CACNA1G: variants seen among roughly 807,000 people sequenced by gnomAD.
CACNA1G encodes calcium voltage-gated channel subunit alpha1 G.
A neutral mutation model predicts 219.4 loss-of-function variants in CACNA1G; 67 were observed. That is an observed-to-expected ratio of 0.31 (90% CI 0.25 to 0.37). The LOEUF (loss-of-function observed/expected upper bound fraction) is 0.37. Ranked by LOEUF, CACNA1G falls within the 10% of genes least tolerant of loss-of-function variation. The pLI, the probability that CACNA1G is intolerant of heterozygous loss-of-function variation, is 1.00. For synonymous variants in CACNA1G, 1,296 were observed against 1,345.3 expected (o/e 0.96, Z 0.80); for missense variants, 2,380 against 3,231.4 (o/e 0.74, Z 6.39).
chr17:50,567,853 A>G (rs1324541513), intron 1 of CACNA1G, among the ~76,000 whole-genome samples: 1 of 152,026 alleles, frequency 6.6e-6, no homozygotes, highest in Non-Finnish European at 1.5e-5. Context: ...CATAGAATCC[A>G]CTGTATGGAA....
chr17:50,625,343 T>C lies in CACNA1G; in HGVS notation c.6400-674T>C, dbSNP rs73342246. 9.8e-3 allele frequency among the ~76,000 whole-genome samples: 1,500 copies of C among 152,330 alleles called. 32 individuals carry two copies. The highest frequency in any genetic ancestry group is 0.034 in the African/African-American group (1,430 of 41,584). On this transcript the variant is annotated intron_variant, in intron 37 of 37. Coordinates refer to ENST00000359106, the MANE Select transcript of CACNA1G (RefSeq NM_018896.5). Reference sequence around the variant, plus strand: ...ACATGAGAATCTCAATCCCACATGCTTGGGGGAGCAGGCACAGTCCTTATT... The same window carrying C: ...ACATGAGAATCTCAATCCCACATGCCTGGGGGAGCAGGCACAGTCCTTATT...
At position 50,618,014 on chromosome 17, in the gene CACNA1G, C is replaced by A. The variant is rs377749912; in HGVS notation, c.5227-34C>A. On this transcript the variant is annotated intron_variant, in intron 30 of 37. Coordinates refer to ENST00000359106, the MANE Select transcript of CACNA1G (RefSeq NM_018896.5). The surrounding 1 kb of genome is among the most constrained non-coding windows in gnomAD (Gnocchi z 5.3). ...CAGAGAAGCTGACTGGGAGACCCAG[C>A]GGCATCGTTTCTATTTCTTCTCCTT... 6.2e-7 allele frequency: 1 copy of A among 1,612,212 alleles called. No homozygotes were observed. The highest frequency in any genetic ancestry group is 8.5e-7 in the Non-Finnish European group (1 of 1,178,414).
rs183746990 is a variant in CACNA1G, at chr17:50,564,695, C to G, written c.242+2994C>G. On this transcript the variant is annotated intron_variant, in intron 1 of 37. Coordinates refer to ENST00000359106, the MANE Select transcript of CACNA1G (RefSeq NM_018896.5). ...GCCCCAAGTCTGCCTATTTCTCTTA[C>G]CTAGGGAGAATTCTCCATTTCTGTC... Among the ~76,000 whole-genome samples, 660 of 152,216 alleles carry G rather than the reference C, an allele frequency of 4.3e-3. 2 individuals are homozygous for G. Among genetic ancestry groups the G allele is most frequent in the African/African-American group, 0.015 (626 of 41,524 alleles).
chr17:50,614,776 T>C (rs2050071372), intron 26 of CACNA1G, among the ~76,000 whole-genome samples: 1 of 152,168 alleles, frequency 6.6e-6, no homozygotes, highest in South Asian at 2.1e-4. Flanking sequence ...TTGCTCTCAC[T>C]GACATGAGGG....
At chr17:50,574,179 G>A (rs989021351) in intron 7 of CACNA1G, among the ~76,000 whole-genome samples, 4 of 152,202 alleles carry the variant, frequency 2.6e-5, no homozygotes, top group Non-Finnish European at 4.4e-5. Context: ...GAAAGTAAGC[G>A]GCTGGGGCTG....
intron 1 of CACNA1G, 66 bp downstream of exon 1, chr17:50,561,767 C>CG (rs909896046): frequency 1.6e-5 from 17 of 1,078,212 alleles, no homozygotes; most frequent in South Asian, 1.3e-4. Flanking sequence ...CGCCGGGGGT[C>CG]GGGGGGGAAG....
In CACNA1G at chr17:50,569,758, A is replaced by G; in HGVS notation, c.541A>G (p.Thr181Ala). The G allele has an allele frequency of 1.3e-6, 2 of 1,550,986 alleles. No homozygotes were observed. The highest frequency in any genetic ancestry group is 1.7e-6 in the Non-Finnish European group (2 of 1,146,902). The change falls in exon 4 of 38, where the codon ACA (threonine) becomes GCA (alanine). Residue 181 changes from threonine to alanine, a missense_variant. Physicochemically the swap from Thr to Ala is moderately conservative, Grantham distance 58. Around this residue, in one of 17 missense-constraint regions of CACNA1G, gnomAD observed 56 missense variants for 135.8 expected, o/e 0.41. Coordinates refer to ENST00000359106, the MANE Select transcript of CACNA1G (RefSeq NM_018896.5). ...GAACGTCAGCTTCTCAGCTGTCAGG[A>G]CAGTCCGTGTGCTGCGACCGCTCAG... ...LQNVSFSAVR[T>A]VRVLRPLRAI... is the part of the protein sequence containing the mutation.
intron 9 of CACNA1G, among the ~76,000 whole-genome samples, chr17:50,584,560 G>T (rs942799315): frequency 1.4e-5 from 2 of 146,060 alleles, no homozygotes; most frequent in Admixed American, 6.9e-5. Flanking sequence ...AGTAATGGAT[G>T]CAGGCATAAC....
intron 35 of CACNA1G, among the ~76,000 whole-genome samples, chr17:50,623,447 C>T (rs2052729257): frequency 6.6e-6 from 1 of 151,858 alleles, no homozygotes; most frequent in Admixed American, 6.6e-5. Context: ...CTCCCCTGAG[C>T]TGCTCTGGGT....
Position 50,575,893 on chromosome 17 carries a change from C to A in CACNA1G, c.1491C>A (p.His497Gln). 1 of 1,556,834 alleles carries A rather than the reference C, an allele frequency of 6.4e-7. No homozygotes were observed. The highest frequency in any genetic ancestry group is 8.7e-7 in the Non-Finnish European group (1 of 1,151,510). The part of the protein sequence containing the change: ...RRLSVHHLVH[H>Q]HHHHHHHYHL... ...TATCCGTCCACCACCTGGTGCACCACCACCACCACCATCACCACCACTACC... is the reference window on the plus strand; with the variant it reads ...TATCCGTCCACCACCTGGTGCACCAACACCACCACCATCACCACCACTACC... Residue 497 changes from histidine (H) to glutamine (Q), a missense_variant, in exon 8 of 38, where the codon CAC becomes CAA. Around this residue, in one of 17 missense-constraint regions of CACNA1G, gnomAD observed 434 missense variants for 417.3 expected, o/e 1.04. Coordinates refer to ENST00000359106, the MANE Select transcript of CACNA1G (RefSeq NM_018896.5).
intron 26 of CACNA1G, among the ~76,000 whole-genome samples, chr17:50,612,157 G>A (rs1016999076): frequency 3.9e-5 from 6 of 152,244 alleles, no homozygotes; most frequent in African/African-American, 1.4e-4. Flanking sequence ...TTCTCCTACA[G>A]CAGTGCAGAT....
At chr17:50,622,037 T>C (rs978804679) in intron 35 of CACNA1G, among the ~76,000 whole-genome samples, 2 of 152,066 alleles carry the variant, frequency 1.3e-5, no homozygotes, top group African/African-American at 4.8e-5. Context: ...CTGAAGGGTA[T>C]AGGAGCAGCG....
rs770607856 is a variant in CACNA1G at position 50,603,241 on chromosome 17, C to G, written c.4169+42C>G. 1.7e-5 allele frequency: 27 copies of G among 1,549,998 alleles called. No homozygotes were observed. Among genetic ancestry groups the G allele is most frequent in the Admixed American group, 3.5e-5 (2 of 57,068 alleles). ...CACTGGAACACCTCCAAGAGGTGGC[C>G]CCCTCCGCAGGGACATCTCCCACCG... On this transcript the variant is annotated intron_variant, in intron 21 of 37. Coordinates refer to ENST00000359106, the MANE Select transcript of CACNA1G (RefSeq NM_018896.5). The surrounding 1 kb of genome is among the most constrained non-coding windows in gnomAD (Gnocchi z 6.4).
chr17:50,596,990 T>G lies in CACNA1G; in HGVS notation c.3258+67T>G. 7.1e-7 allele frequency: 1 copy of G among 1,401,500 alleles called. No homozygotes were observed. The allele number at this position is 1,401,500 out of a possible 1,614,324, so 86.8% of individuals were successfully genotyped here. On this transcript the variant is annotated intron_variant, in intron 16 of 37. Transcript: ENST00000359106. The surrounding 1 kb of genome is among the most constrained non-coding windows in gnomAD (Gnocchi z 4.8). ...CAAGGAGGACAGGAGGAAGAGAGGA[T>G]GGAGGCAGGCGGGTCCAAGGGCACA...
chr17:50,615,520 C>T lies in CACNA1G; in HGVS notation c.4911+8C>T, dbSNP rs8066527. The stretch of plus-strand genomic sequence containing the variant: ...CACTACCAGCAGCCCCAGGTAGGAG[C>T]GAGTGGACCAGCCATCTGGCCCCCC... On this transcript the variant is annotated splice_region_variant and intron_variant, in intron 27 of 37. Coordinates refer to ENST00000359106, the MANE Select transcript of CACNA1G (RefSeq NM_018896.5). The T allele has an allele frequency of 0.33, 526,721 of 1,609,206 alleles. 90,393 individuals carry two copies. The highest frequency in any genetic ancestry group is 0.36 in the Non-Finnish European group (421,785 of 1,176,538).
intron 6 of CACNA1G, 64 bp from the exon 7 acceptor site, chr17:50,572,957 T>G: frequency 6.4e-7 from 1 of 1,564,328 alleles, no homozygotes; most frequent in Non-Finnish European, 8.7e-7. Context: ...GGTCAAGGCC[T>G]CTGGAGGAGA....
In CACNA1G at chr17:50,576,116, C is replaced by T. The variant is rs2040591480; in HGVS notation, c.1714C>T (p.Pro572Ser). The change falls in exon 8 of 38, where the codon CCT becomes TCT. Residue 572 changes from proline to serine, a missense_variant. Around this residue, in one of 17 missense-constraint regions of CACNA1G, gnomAD observed 434 missense variants for 417.3 expected, o/e 1.04. Coordinates refer to ENST00000359106, the MANE Select transcript of CACNA1G (RefSeq NM_018896.5). ...HLEPVRCQAP[P>S]PRSPSEASGR... is the part of the protein sequence containing the mutation. Reference sequence around the variant, plus strand: ...AGAGCCAGTCCGCTGCCAGGCGCCCCCTCCCAGGTCCCCATCTGAGGCATC... The same window carrying T: ...AGAGCCAGTCCGCTGCCAGGCGCCCTCTCCCAGGTCCCCATCTGAGGCATC... 1 of 1,600,162 alleles carries T rather than the reference C, an allele frequency of 6.2e-7. No individual in the cohort carries two copies. Among genetic ancestry groups the T allele is most frequent in the Non-Finnish European group, 8.5e-7 (1 of 1,174,402 alleles).
chr17:50,576,160 C>T lies in CACNA1G; in HGVS notation c.1758C>T (p.Ser586=), dbSNP rs367721794. 102 of 1,609,202 alleles carry T rather than the reference C, an allele frequency of 6.3e-5. 1 individual carries two copies. Among genetic ancestry groups the T allele is most frequent in the Admixed American group, 5.2e-4 (31 of 59,656 alleles). The change falls in exon 8 of 38, where the codon AGC becomes AGT. Residue 586 remains serine (S), a synonymous_variant. Coordinates refer to ENST00000359106, the MANE Select transcript of CACNA1G (RefSeq NM_018896.5). ...AGGCATCCGGCAGGACTGTGGGCAG[C>T]GGGAAGGTGTATCCCACCGTGCACA... The part of the protein sequence containing the change: ...PSEASGRTVG[S]GKVYPTVHTS...
chr17:50,588,876 T>C (rs1290291965), intron 9 of CACNA1G, among the ~76,000 whole-genome samples: 2 of 152,154 alleles, frequency 1.3e-5, no homozygotes, highest in Non-Finnish European at 2.9e-5. Context: ...AGCCCCTTGT[T>C]CCGAGTCTTT....
Sources: allele counts gnomAD v4.1 joint callset (sites outside exome capture counted in the v4.1 genomes callset), GRCh38; gene constraint gnomAD v4.1.1; regional missense constraint gnomAD v4.1.1; non-coding constraint Gnocchi (gnomAD v3.1); transcripts MANE v1.5; gene names NCBI Gene and HGNC (gene_info 2026-07-23, HGNC 2026-07-21).